MYCN: variants seen among roughly 807,000 people sequenced by gnomAD.
The protein encoded by MYCN is MYCN proto-oncogene, bHLH transcription factor.
In MYCN, 3 loss-of-function variants were observed where a neutral mutation model predicts 28.1. The observed-to-expected ratio is 0.11, with a 90% CI of 0.05 to 0.28. MYCN has a LOEUF of 0.28. Ranked by LOEUF, MYCN falls within the 10% of genes least tolerant of loss-of-function variation. The pLI, the probability that MYCN is intolerant of heterozygous loss-of-function variation, is 1.00. For synonymous variants in MYCN, 326 were observed against 288.3 expected, an observed-to-expected ratio of 1.13 and a Z score of -1.32; for missense variants, 572 against 651.4, an observed-to-expected ratio of 0.88 and a Z score of 1.33.
rs1662655865 is a variant in MYCN at position 15,941,289 on chromosome 2, G to A, written c.-118+546G>A. ...AGGACGTTGTCGTGGGTTTGGAAGA[G>A]CAGGGGTGGGCTTAGAGAGCTTCCA... On this transcript the variant is annotated intron_variant, in intron 1 of 2. Transcript: ENST00000281043. This position sits in a 1 kb window ranked among gnomAD's most constrained non-coding sequence, Gnocchi z 4.8. 1 of 152,478 alleles carries A rather than the reference G, an allele frequency of 6.6e-6. No homozygotes were observed. Among genetic ancestry groups the A allele is most frequent in the Non-Finnish European group, 1.5e-5 (1 of 68,208 alleles). The allele number at this position is 152,478 out of a possible 1,614,324, so 9.4% of individuals were successfully genotyped here. A position where few individuals can be genotyped will look rare whatever the true frequency, so the allele number is the denominator to read the frequency against.
intron 2 of MYCN, among the ~76,000 whole-genome samples, chr2:15,943,590 G>T (rs1446659237): frequency 6.6e-6 from 1 of 152,092 alleles, no homozygotes; most frequent in Admixed American, 6.5e-5. Context: ...GGCTGCAAGT[G>T]CAACAGCAGT....
chr2:15,943,705 A>G (rs1302874439), intron 2 of MYCN, among the ~76,000 whole-genome samples: 1 of 152,142 alleles, frequency 6.6e-6, no homozygotes, highest in Admixed American at 6.5e-5. Flanking sequence ...TGTGAGTTGT[A>G]TCTGTAACCC....
Position 15,942,360 on chromosome 2 carries a change from TG to T in MYCN, c.302del (p.Gly101AspfsTer30). 1.2e-6 allele frequency: 2 copies of T among 1,606,822 alleles called. No individual in the cohort carries two copies. Among genetic ancestry groups the T allele is most frequent in the Non-Finnish European group, 8.5e-7 (1 of 1,177,788 alleles). On this transcript the variant is annotated frameshift_variant, in exon 2 of 3. Transcript: ENST00000281043. LOFTEE classifies it high-confidence loss of function. The surrounding 1 kb of genome is among the most constrained non-coding windows in gnomAD (Gnocchi z 7.0). Reference protein sequence around the residue: ...GSPAEEDAFGLGGLGGLTPNP... With the variant: ...GSPAEEDAFGXGGLGGLTPNP... ...CCGGCCGAGGAGGACGCGTTCGGCC[TG>T]GGGGGACTGGGTGGCCTCACCCCCA... is the stretch of plus-strand genomic sequence containing the variant.
rs2103324756 is a variant in MYCN at position 15,942,430 on chromosome 2, C to T, written c.366C>T (p.Ala122=). 1.2e-6 allele frequency: 2 copies of T among 1,600,272 alleles called. No individual in the cohort carries two copies. The highest frequency in any genetic ancestry group is 1.7e-6 in the Non-Finnish European group (2 of 1,177,938). ...ACTGCATGTGGAGCGGCTTCTCCGC[C>T]CGCGAGAAGCTGGAGCGCGCCGTGA... ...LQDCMWSGFS[A]REKLERAVSE... is the part of the protein sequence containing the mutation. The change falls in exon 2 of 3, where the codon GCC becomes GCT. Residue 122 remains alanine (A), a synonymous_variant. Coordinates refer to ENST00000281043, the MANE Select transcript of MYCN (RefSeq NM_005378.6). This position sits in a 1 kb window ranked among gnomAD's most constrained non-coding sequence, Gnocchi z 7.0.
At position 15,945,086 on chromosome 2, in the gene MYCN, G is replaced by A. The variant is rs1420748996; in HGVS notation, c.791-407G>A. ...ATGATCTGGGCTCACTGCAACCTCCGCCTCCCGGGTTCAAGTCATTCTCCT... is the reference window on the plus strand; with the variant it reads ...ATGATCTGGGCTCACTGCAACCTCCACCTCCCGGGTTCAAGTCATTCTCCT... On this transcript the variant is annotated intron_variant, in intron 2 of 2. Transcript: ENST00000281043. This position sits in a 1 kb window ranked among gnomAD's most constrained non-coding sequence, Gnocchi z 4.8. Among the ~76,000 whole-genome samples, 2 of 151,900 alleles carry A rather than the reference G, an allele frequency of 1.3e-5. No homozygotes were observed. The highest frequency in any genetic ancestry group is 1.3e-4 in the Admixed American group (2 of 15,234).
rs910153043 is a variant in MYCN, at chr2:15,945,677, C to A, written c.975C>A (p.Pro325=). 1.9e-6 allele frequency: 3 copies of A among 1,614,158 alleles called. No individual in the cohort carries two copies. Among genetic ancestry groups the A allele is most frequent in the Non-Finnish European group, 2.5e-6 (3 of 1,180,016 alleles). Residue 325 remains proline (P), a synonymous_variant, in exon 3 of 3, where the codon CCC becomes CCA. Coordinates refer to ENST00000281043, the MANE Select transcript of MYCN (RefSeq NM_005378.6). This position sits in a 1 kb window ranked among gnomAD's most constrained non-coding sequence, Gnocchi z 4.8. ...AGCTGATCCTCAAACGATGCCTTCC[C>A]ATCCACCAGCAGCACAACTATGCCG... ...SSELILKRCL[P]IHQQHNYAAP...
At position 15,945,904 on chromosome 2, in the gene MYCN, T is replaced by C; in HGVS notation, c.1202T>C (p.Phe401Ser). Residue 401 changes from phenylalanine (F) to serine (S), a missense_variant, in exon 3 of 3, where the codon TTT (phenylalanine) becomes TCT (serine). Transcript: ENST00000281043. This position sits in a 1 kb window ranked among gnomAD's most constrained non-coding sequence, Gnocchi z 4.8. The part of the protein sequence containing the change: ...RQRRNDLRSS[F>S]LTLRDHVPEL... ...CGCCGCAACGACCTTCGGTCCAGCTTTCTCACGCTCAGGGACCACGTGCCG... is the reference window on the plus strand; with the variant it reads ...CGCCGCAACGACCTTCGGTCCAGCTCTCTCACGCTCAGGGACCACGTGCCG... The C allele has an allele frequency of 6.2e-7, 1 of 1,614,082 alleles. No homozygotes were observed.
chr2:15,942,320 G>C lies in MYCN; in HGVS notation c.256G>C (p.Glu86Gln), dbSNP rs1572217314. 6.2e-7 allele frequency: 1 copy of C among 1,608,694 alleles called. No homozygotes were observed. The change falls in exon 2 of 3, where the codon GAG becomes CAG. Residue 86 changes from glutamate (E) to glutamine (Q), a missense_variant. Transcript: ENST00000281043. This position sits in a 1 kb window ranked among gnomAD's most constrained non-coding sequence, Gnocchi z 7.0. Reference sequence around the variant, plus strand: ...GGTCACGGAGATGCTGCTTGAGAACGAGCTGTGGGGCAGCCCGGCCGAGGA... The same window carrying C: ...GGTCACGGAGATGCTGCTTGAGAACCAGCTGTGGGGCAGCCCGGCCGAGGA... ...SWVTEMLLEN[E>Q]LWGSPAEEDA... is the part of the protein sequence containing the mutation.
chr2:15,940,706 C>A lies in MYCN; in HGVS notation c.-155C>A, dbSNP rs1572214796. On this transcript the variant is annotated 5_prime_UTR_variant, in exon 1 of 3. Transcript: ENST00000281043. Reference sequence around the variant, plus strand: ...CCCCCGGCCCACCCGGAGACACCCGCGCAGAATCGCCTCCGGATCCCCTGC... The same window carrying A: ...CCCCCGGCCCACCCGGAGACACCCGAGCAGAATCGCCTCCGGATCCCCTGC... The A allele has an allele frequency of 2.5e-6, 1 of 399,536 alleles. No homozygotes were observed. Among genetic ancestry groups the A allele is most frequent in the Non-Finnish European group, 4.4e-6 (1 of 226,100 alleles). The allele number at this position is 399,536 out of a possible 1,614,324, so 24.7% of individuals were successfully genotyped here.
At chr2:15,944,743 T>C (rs1662813944) in intron 2 of MYCN, among the ~76,000 whole-genome samples, 1 of 152,134 alleles carries the variant, frequency 6.6e-6, no homozygotes, top group Non-Finnish European at 1.5e-5. Flanking sequence ...CTACATGTTA[T>C]CTGTCAAAGT....
intron 2 of MYCN, among the ~76,000 whole-genome samples, chr2:15,944,223 T>C (rs1281744265): frequency 6.6e-6 from 1 of 152,164 alleles, no homozygotes; most frequent in African/African-American, 2.4e-5. Context: ...TGTTCAGCTT[T>C]CCGGTCCCCT....
chr2:15,941,737 CCCTCCCA>C lies in MYCN; in HGVS notation c.-117-208_-117-202del, dbSNP rs1662678780. 2.1e-6 allele frequency: 1 copy of C among 472,292 alleles called. No individual in the cohort carries two copies. The highest frequency in any genetic ancestry group is 3.8e-6 in the Non-Finnish European group (1 of 261,082). 29.3% of individuals were successfully genotyped at this position (472,292 alleles called of 1,614,324 possible). ...CCACCACCCCCTGCATCTGCATGCCCCCTCCCACCCCCTGTCGTAGACAGCTTGTACA... is the reference window on the plus strand; with the variant it reads ...CCACCACCCCCTGCATCTGCATGCCCCCCCCTGTCGTAGACAGCTTGTACA... On this transcript the variant is annotated intron_variant, in intron 1 of 2. Coordinates refer to ENST00000281043, the MANE Select transcript of MYCN (RefSeq NM_005378.6). The surrounding 1 kb of genome is among the most constrained non-coding windows in gnomAD (Gnocchi z 4.8).
Position 15,941,964 on chromosome 2 carries a change from C to G in MYCN, c.-101C>G. The G allele has an allele frequency of 1.4e-6, 2 of 1,475,096 alleles. No individual in the cohort carries two copies. The highest frequency in any genetic ancestry group is 2.5e-5 in the South Asian group (2 of 81,568). The allele number at this position is 1,475,096 out of a possible 1,614,324, so 91.4% of individuals were successfully genotyped here. On this transcript the variant is annotated 5_prime_UTR_variant, in exon 2 of 3. Transcript: ENST00000281043. This position sits in a 1 kb window ranked among gnomAD's most constrained non-coding sequence, Gnocchi z 4.8. ...CGGTTGCAGTGTTGGAGGTCGGCGC[C>G]GGCCCCCGCCTTCCGCGCCCCCCAC... is the stretch of plus-strand genomic sequence containing the variant.
rs368599343 is a variant in MYCN at position 15,945,484 on chromosome 2, T to C, written c.791-9T>C. 3.8e-6 allele frequency: 6 copies of C among 1,595,580 alleles called. No individual in the cohort carries two copies. The highest frequency in any genetic ancestry group is 5.1e-6 in the Non-Finnish European group (6 of 1,170,124). On this transcript the variant is annotated splice_polypyrimidine_tract_variant and intron_variant, in intron 2 of 2. Transcript: ENST00000281043. The surrounding 1 kb of genome is among the most constrained non-coding windows in gnomAD (Gnocchi z 4.8). Reference sequence around the variant, plus strand: ...TCTCACATGAGAGTAACTAGCATCTTTCTCTCAGATGATGAAGATGATGAA... The same window carrying C: ...TCTCACATGAGAGTAACTAGCATCTCTCTCTCAGATGATGAAGATGATGAA...
rs923140455 is a variant in MYCN, at chr2:15,946,857, G to A, written c.*760G>A. ...CCTTTTTCCTAGCCTGTTTCTTCCT[G>A]TTAATGTATTTGTTCATGTTTGGTG... On this transcript the variant is annotated 3_prime_UTR_variant, in exon 3 of 3. Coordinates refer to ENST00000281043, the MANE Select transcript of MYCN (RefSeq NM_005378.6). The A allele has an allele frequency of 4.5e-6, 1 of 219,880 alleles. No individual in the cohort carries two copies. The highest frequency in any genetic ancestry group is 9.1e-6 in the Non-Finnish European group (1 of 109,626). 13.6% of individuals were successfully genotyped at this position (219,880 alleles called of 1,614,324 possible). A position where few individuals can be genotyped will look rare whatever the true frequency, so the allele number is the denominator to read the frequency against.
In MYCN at chr2:15,946,211, G is replaced by A. The variant is rs778828407; in HGVS notation, c.*114G>A. The A allele has an allele frequency of 8.3e-5, 124 of 1,500,810 alleles. No homozygotes were observed. The highest frequency in any genetic ancestry group is 1.0e-4 in the Non-Finnish European group (113 of 1,095,528). 93.0% of individuals were successfully genotyped at this position (1,500,810 alleles called of 1,614,324 possible). A position where few individuals can be genotyped will look rare whatever the true frequency, so the allele number is the denominator to read the frequency against. On this transcript the variant is annotated 3_prime_UTR_variant, in exon 3 of 3. Transcript: ENST00000281043. ...TTTACTTTCAAATCGGTCCCCTGTC[G>A]AGTTCGGCTCTGGGTGGGCAGTAGG...
At chr2:15,944,663 A>C (rs1662812205) in intron 2 of MYCN, among the ~76,000 whole-genome samples, 1 of 152,240 alleles carries the variant, frequency 6.6e-6, no homozygotes. Context: ...TCCACAGGGC[A>C]GACTGGTGAT....
At position 15,946,128 on chromosome 2, in the gene MYCN, C is replaced by A; in HGVS notation, c.*31C>A. ...TCTCAAAACTGGACAGTCACTGCCA[C>A]TTTGCACATTTTGATTTTTTTTTTA... On this transcript the variant is annotated 3_prime_UTR_variant, in exon 3 of 3. Transcript: ENST00000281043. 6.2e-7 allele frequency: 1 copy of A among 1,613,946 alleles called. No individual in the cohort carries two copies. Among genetic ancestry groups the A allele is most frequent in the Non-Finnish European group, 8.5e-7 (1 of 1,179,976 alleles).
rs1182970967 is a variant in MYCN, at chr2:15,945,321, G to A, written c.791-172G>A. On this transcript the variant is annotated intron_variant, in intron 2 of 2. Transcript: ENST00000281043. This position sits in a 1 kb window ranked among gnomAD's most constrained non-coding sequence, Gnocchi z 4.8. ...GGCCTACAGATATATTTAATTTAAA[G>A]AGATCTAAAACAAATACAAAACTGT... Among the ~76,000 whole-genome samples the A allele has an allele frequency of 6.6e-6, 1 of 152,076 alleles. No individual in the cohort carries two copies. Among genetic ancestry groups the A allele is most frequent in the Non-Finnish European group, 1.5e-5 (1 of 68,012 alleles).
Sources: gnomAD v4.1 joint callset for allele counts (sites outside exome capture counted in the v4.1 genomes callset) on GRCh38, gnomAD v4.1.1 for gene constraint, Gnocchi (gnomAD v3.1) non-coding constraint, MANE v1.5 for transcripts, NCBI Gene and HGNC (gene_info 2026-07-23, HGNC 2026-07-21) for gene names.